The following HKDC1 variants were observed in gnomAD, a reference collection of about 807,000 sequenced individuals.
The protein encoded by HKDC1 is hexokinase HKDC1.
Under a neutral mutation model 96.6 loss-of-function variants are expected in HKDC1, and 66 were observed. The ratio of observed to expected loss-of-function variants is 0.68; its 90% CI spans 0.56 to 0.84. The LOEUF (loss-of-function observed/expected upper bound fraction) is 0.84, where lower values mean the gene tolerates loss of function less well. Ranked by LOEUF, HKDC1 falls within the 40% of genes least tolerant of loss-of-function variation. The pLI is 0.00. For synonymous variants in HKDC1, 466 were observed against 473.1 expected (o/e 0.98, Z 0.20); for missense variants, 1,211 against 1,208.1 (o/e 1.00, Z -0.04).
intron 1 of HKDC1, among the ~76,000 whole-genome samples, chr10:69,224,908 A>G (rs1843123672): frequency 6.6e-6 from 1 of 152,198 alleles, no homozygotes; most frequent in Non-Finnish European, 1.5e-5. Flanking sequence ...AGTGCCTGGG[A>G]CGTGTGTCCC....
At chr10:69,237,277 TTGTGTGTGTGTGTGTG>T (rs71035080) in intron 4 of HKDC1, among the ~76,000 whole-genome samples, 17 of 145,694 alleles carry the variant, frequency 1.2e-4, no homozygotes, top group East Asian at 4.5e-4. Context: ...AGAAATTTCT[TTGTGTGTGTGTGTGTG>T]TGTGTGTGTG....
intron 8 of HKDC1, among the ~76,000 whole-genome samples, chr10:69,246,967 A>G (rs1364724101): frequency 1.3e-5 from 2 of 152,272 alleles, no homozygotes; most frequent in Non-Finnish European, 2.9e-5. Flanking sequence ...AGCATAGCAC[A>G]GGGTGATTAA....
chr10:69,232,865 C>G lies in HKDC1; in HGVS notation c.328C>G (p.Gln110Glu), dbSNP rs752581214. ...EGKRHVQMES[Q>E]FYPTPNEIIR... is the part of the protein sequence containing the mutation. ...GAAGCGACACGTGCAGATGGAGAGT[C>G]AGTTCTACCCAACGCCCAATGAAAT... The change falls in exon 3 of 18, where the codon CAG becomes GAG. Residue 110 changes from glutamine (Q) to glutamate (E), a missense_variant. Physicochemically the swap from Gln to Glu is conservative, Grantham distance 29 (BLOSUM62 2). Transcript: ENST00000354624. 21 of 1,613,966 alleles carry G rather than the reference C, an allele frequency of 1.3e-5. No homozygotes were observed. The highest frequency in any genetic ancestry group is 2.2e-5 in the East Asian group (1 of 44,884).
Position 69,246,217 on chromosome 10 carries a change from C to T in HKDC1, c.1014C>T (p.His338=), listed in dbSNP as rs144489141. ...CTAAGGGCAAGATCGAAACACGGCA[C>T]GTGGCTGCCATGGAGAAGTAAGCAA... is the stretch of plus-strand genomic sequence containing the variant. ...LHTKGKIETR[H]VAAMEKYKEG... The change falls in exon 8 of 18, where the codon CAC becomes CAT. Residue 338 remains histidine (H), a synonymous_variant. Transcript: ENST00000354624. The T allele has an allele frequency of 3.0e-4, 483 of 1,613,942 alleles. 4 individuals are homozygous for T. In the East Asian group the frequency reaches 7.6e-3, roughly 26 times the overall value.
chr10:69,232,615 G>T, intron 2 of HKDC1, 149 bp from the exon 3 acceptor site: 1 of 733,658 alleles, frequency 1.4e-6, no homozygotes, highest in South Asian at 1.8e-5. Context: ...CTGAGAAATG[G>T]CCAGAGTCCT....
At chr10:69,248,996 C>T (rs2073324284) in intron 10 of HKDC1, 1 of 365,404 alleles carries the variant, frequency 2.7e-6, no homozygotes, top group East Asian at 4.6e-5. Flanking sequence ...TAGATGAGAA[C>T]ATGAGTGTAC....
intron 12 of HKDC1, among the ~76,000 whole-genome samples, chr10:69,254,102 T>G (rs1026089171): frequency 1.3e-5 from 2 of 152,234 alleles, no homozygotes; most frequent in African/African-American, 4.8e-5. Context: ...GTCAGGAGTT[T>G]GAGACCAGCC....
intron 1 of HKDC1, among the ~76,000 whole-genome samples, chr10:69,222,726 T>C (rs190218989): frequency 1.3e-5 from 2 of 152,272 alleles, no homozygotes; most frequent in African/African-American, 4.8e-5. Flanking sequence ...TCCCTCTCCC[T>C]GTGGGAGGCG....
At chr10:69,266,588 T>G (rs748981087) in intron 17 of HKDC1, 22 bp from the exon 18 acceptor site, 5 of 1,612,160 alleles carry the variant, frequency 3.1e-6, no homozygotes, top group Non-Finnish European at 4.2e-6. Flanking sequence ...GGGCTGATGA[T>G]GTTTCTTTCT....
chr10:69,242,081 T>C (rs1218834474), intron 6 of HKDC1, among the ~76,000 whole-genome samples: 3 of 152,254 alleles, frequency 2.0e-5, no homozygotes, highest in Non-Finnish European at 4.4e-5. Context: ...CCCATTCCTT[T>C]ACCACTCCTG....
At chr10:69,235,480 C>T (rs1392794449) in intron 4 of HKDC1, among the ~76,000 whole-genome samples, 9 of 151,974 alleles carry the variant, frequency 5.9e-5, no homozygotes, top group Admixed American at 5.9e-4. Flanking sequence ...AAAAAAGTTT[C>T]CAGGGAATGT....
chr10:69,235,606 A>G (rs1015707976), intron 4 of HKDC1, among the ~76,000 whole-genome samples: 1 of 152,138 alleles, frequency 6.6e-6, no homozygotes, highest in Non-Finnish European at 1.5e-5. Context: ...CAGGTGGTGG[A>G]GTGAGAGTGT....
chr10:69,222,539 C>T (rs1451086765), intron 1 of HKDC1, among the ~76,000 whole-genome samples: 1 of 152,176 alleles, frequency 6.6e-6, no homozygotes, highest in Non-Finnish European at 1.5e-5. Context: ...TATTTCATTT[C>T]CTTGGGCTCC....
intron 9 of HKDC1, 108 bp from the exon 10 acceptor site, chr10:69,248,316 G>GC: frequency 1.8e-6 from 2 of 1,140,342 alleles, no homozygotes; most frequent in Non-Finnish European, 2.5e-6. Flanking sequence ...AAAGGGCTGA[G>GC]CCCCGCCCCG....
chr10:69,264,195 T>TTG lies in HKDC1; in HGVS notation c.2373-1389_2373-1388insGT, dbSNP rs1197957772. On this transcript the variant is annotated intron_variant, in intron 16 of 17. Transcript: ENST00000354624. Reference sequence around the variant, plus strand: ...CCTCCCAATGTCTGAATAGATTTCCTTCTGTGTGTGTGTGTGTGTGTGTGT... The same window carrying TTG: ...CCTCCCAATGTCTGAATAGATTTCCTTGTCTGTGTGTGTGTGTGTGTGTGTGT... Among the ~76,000 whole-genome samples, 60 of 112,262 alleles carry TTG rather than the reference T, an allele frequency of 5.3e-4. 1 individual carries two copies. Among genetic ancestry groups the TTG allele is most frequent in the African/African-American group, 1.9e-3 (58 of 30,476 alleles). The allele number at this position is 112,262 out of a possible 152,430, so 73.6% of individuals were successfully genotyped here. A position where few individuals can be genotyped will look rare whatever the true frequency, so the allele number is the denominator to read the frequency against.
At chr10:69,249,654 C>A (rs1478464228) in intron 10 of HKDC1, among the ~76,000 whole-genome samples, 1 of 151,696 alleles carries the variant, frequency 6.6e-6, no homozygotes, top group South Asian at 2.1e-4. Context: ...CAGCACCACA[C>A]CCGGATAATT....
intron 1 of HKDC1, among the ~76,000 whole-genome samples, chr10:69,222,467 CAT>C (rs1843081829): frequency 1.3e-5 from 2 of 152,214 alleles, no homozygotes; most frequent in Admixed American, 6.5e-5. Flanking sequence ...CAAGTTGCAC[CAT>C]GTCTCTCCCA....
intron 1 of HKDC1, among the ~76,000 whole-genome samples, chr10:69,223,480 A>G (rs979039596): frequency 5.9e-5 from 9 of 151,586 alleles, no homozygotes; most frequent in Admixed American, 4.6e-4. Flanking sequence ...TTAATATCCA[A>G]TCAAGTGGAT....
At chr10:69,264,263 G>A (rs1843855717) in intron 16 of HKDC1, among the ~76,000 whole-genome samples, 1 of 150,040 alleles carries the variant, frequency 6.7e-6, no homozygotes, top group Non-Finnish European at 1.5e-5. Context: ...TCTGGGCAAG[G>A]GCAAACATTA....
Sources: allele counts gnomAD v4.1 joint callset (sites outside exome capture counted in the v4.1 genomes callset), GRCh38; gene constraint gnomAD v4.1.1; transcripts MANE v1.5; gene names NCBI Gene and HGNC (gene_info 2026-07-23, HGNC 2026-07-21).